The following NELL1 variants were observed in gnomAD, a reference collection of about 807,000 sequenced individuals.
NELL1 encodes the protein neural EGFL like 1, also known as protein kinase C-binding protein NELL1.
NELL1 carries 76 observed loss-of-function variants against 107.4 expected under a neutral mutation model. The ratio of observed to expected loss-of-function variants is 0.71; its 90% CI spans 0.59 to 0.86. NELL1 has a LOEUF of 0.86. Among genes scored for constraint, NELL1 ranks in the 40% least tolerant of loss-of-function variants. NELL1 has a pLI of 0.00. For missense variants in NELL1, 1,024 were observed against 1,005.5 expected (o/e 1.02, Z -0.25); for synonymous variants, 353 against 341.2 (o/e 1.03, Z -0.38).
At position 21,537,466 on chromosome 11, in the gene NELL1, T is replaced by A. The variant is rs549559353; in HGVS notation, c.1786+2952T>A. On this transcript the variant is annotated intron_variant, in intron 16 of 19. Transcript: ENST00000357134. ...CTCTGTCTGGAGCTCTCAACACCTC[T>A]CTTGTTGTATGGCTGCCATGTTATT... Among the ~76,000 whole-genome samples, 9 of 152,252 alleles carry A rather than the reference T, an allele frequency of 5.9e-5. 1 individual carries two copies. In the South Asian group the frequency reaches 1.7e-3, roughly 28 times the overall value.
chr11:20,911,164 C>T (rs962359811), intron 5 of NELL1, among the ~76,000 whole-genome samples: 3 of 152,138 alleles, frequency 2.0e-5, no homozygotes, highest in Non-Finnish European at 2.9e-5. Context: ...TGCTTGAGCT[C>T]AAATACCTGG....
chr11:21,195,092 T>A (rs1857125019), intron 13 of NELL1, among the ~76,000 whole-genome samples: 1 of 152,132 alleles, frequency 6.6e-6, no homozygotes, highest in Non-Finnish European at 1.5e-5. Flanking sequence ...GGGAAAAAAA[T>A]TATTACCTTT....
At chr11:20,922,805 G>A (rs138688064) in intron 7 of NELL1, among the ~76,000 whole-genome samples, 5 of 152,054 alleles carry the variant, frequency 3.3e-5, no homozygotes, top group East Asian at 1.9e-4. Context: ...TAAGTTATTC[G>A]ACTTGTTTCA....
rs1358994627 is a variant in NELL1, at chr11:21,403,547, A to C, written c.1645+32599A>C. On this transcript the variant is annotated intron_variant, in intron 15 of 19. Coordinates refer to ENST00000357134, the MANE Select transcript of NELL1 (RefSeq NM_006157.5). Reference sequence around the variant, plus strand: ...TGAAATGTTGGCTGCCTGCCATCCCAGGCACCCATCCTTACATCCTGGTTC... The same window carrying C: ...TGAAATGTTGGCTGCCTGCCATCCCCGGCACCCATCCTTACATCCTGGTTC... Among the ~76,000 whole-genome samples the C allele has an allele frequency of 2.6e-5, 4 of 151,094 alleles. No individual in the cohort carries two copies. In the East Asian group the frequency reaches 7.9e-4, roughly 30 times the overall value.
chr11:21,106,992 T>C (rs1443169145), intron 12 of NELL1, among the ~76,000 whole-genome samples: 3 of 152,158 alleles, frequency 2.0e-5, no homozygotes, highest in Non-Finnish European at 4.4e-5. Flanking sequence ...GTTTTTATTG[T>C]TTTTAATTTT....
chr11:20,827,942 G>A (rs999410480), intron 3 of NELL1, among the ~76,000 whole-genome samples: 5 of 151,122 alleles, frequency 3.3e-5, no homozygotes, highest in African/African-American at 1.2e-4. Flanking sequence ...ACTGCTAACC[G>A]CTGTTGACTC....
At chr11:21,048,727 C>A (rs1197620293) in intron 12 of NELL1, among the ~76,000 whole-genome samples, 1 of 152,176 alleles carries the variant, frequency 6.6e-6, no homozygotes. Flanking sequence ...TAGGCTCTCA[C>A]TTCCCTCCCT....
At chr11:20,804,525 C>A (rs1461799090) in intron 3 of NELL1, among the ~76,000 whole-genome samples, 1 of 152,220 alleles carries the variant, frequency 6.6e-6, no homozygotes, top group African/African-American at 2.4e-5. Flanking sequence ...CAATTTTATT[C>A]TTAATCTGTT....
chr11:20,993,170 T>G (rs1852015133), intron 12 of NELL1, among the ~76,000 whole-genome samples: 1 of 152,160 alleles, frequency 6.6e-6, no homozygotes, highest in African/African-American at 2.4e-5. Context: ...CCTTGAAATT[T>G]TCCTTGACTC....
chr11:21,383,120 C>G (rs1046295626), intron 15 of NELL1, among the ~76,000 whole-genome samples: 2 of 151,968 alleles, frequency 1.3e-5, no homozygotes, highest in Non-Finnish European at 2.9e-5. Flanking sequence ...TTATGATTTG[C>G]ATCATTTGCT....
intron 5 of NELL1, among the ~76,000 whole-genome samples, chr11:20,912,139 C>G (rs1850146589): frequency 6.6e-6 from 1 of 152,112 alleles, no homozygotes; most frequent in Admixed American, 6.6e-5. Context: ...AAAGTAAAAG[C>G]AAAAGCTCCT....
At chr11:20,705,803 G>A (rs553140429) in intron 2 of NELL1, among the ~76,000 whole-genome samples, 26 of 151,060 alleles carry the variant, frequency 1.7e-4, no homozygotes, top group Middle Eastern at 3.2e-3. Context: ...TACAATGAAC[G>A]CCAACAAATT....
At chr11:21,449,327 A>T (rs556518755) in intron 15 of NELL1, among the ~76,000 whole-genome samples, 1 of 152,120 alleles carries the variant, frequency 6.6e-6, no homozygotes, top group African/African-American at 2.4e-5. Context: ...AATGTTTGAC[A>T]TTCTTCCATA....
At chr11:21,151,079 G>T (rs1378966305) in intron 13 of NELL1, among the ~76,000 whole-genome samples, 1 of 152,014 alleles carries the variant, frequency 6.6e-6, no homozygotes, top group East Asian at 1.9e-4. Flanking sequence ...CTCCCAAAAG[G>T]CCCCTTCTTC....
At chr11:21,198,727 G>T (rs1857205275) in intron 13 of NELL1, among the ~76,000 whole-genome samples, 1 of 152,126 alleles carries the variant, frequency 6.6e-6, no homozygotes, top group South Asian at 2.1e-4. Flanking sequence ...TGTGAGATCT[G>T]GTGTTGCTTT....
chr11:21,559,624 C>G (rs1421978164), intron 16 of NELL1, among the ~76,000 whole-genome samples: 1 of 152,060 alleles, frequency 6.6e-6, no homozygotes, highest in Non-Finnish European at 1.5e-5. Context: ...ATAAAAGACA[C>G]CTATCAAGAA....
At chr11:21,260,188 C>A (rs1858870072) in intron 14 of NELL1, 1 of 151,838 alleles carries the variant, frequency 6.6e-6, no homozygotes, top group African/African-American at 2.4e-5. Context: ...TCAGGCTTTT[C>A]CCCACAAATG....
intron 15 of NELL1, among the ~76,000 whole-genome samples, chr11:21,412,938 A>C (rs578124943): frequency 3.2e-4 from 49 of 152,192 alleles, no homozygotes; most frequent in African/African-American, 1.0e-3. Flanking sequence ...GAAAGCCTCC[A>C]GTTCTGCAGT....
intron 15 of NELL1, among the ~76,000 whole-genome samples, chr11:21,399,523 T>TTAAAATATAAA (rs1354419665): frequency 1.3e-5 from 2 of 151,822 alleles, no homozygotes; most frequent in Non-Finnish European, 2.9e-5. Flanking sequence ...AAATAATTTT[T>TTAAAATATAAA]TAAAATATAA....
Sources: allele counts gnomAD v4.1 joint callset (sites outside exome capture counted in the v4.1 genomes callset), GRCh38; gene constraint gnomAD v4.1.1; transcripts MANE v1.5; gene names NCBI Gene and HGNC (gene_info 2026-07-23, HGNC 2026-07-21).